The following EPC1 variants were observed in gnomAD, a reference collection of about 807,000 sequenced individuals.
EPC1 encodes enhancer of polycomb 1, also known as enhancer of polycomb homolog 1.
A neutral mutation model predicts 98.4 loss-of-function variants in EPC1; 12 were observed. The ratio of observed to expected loss-of-function variants is 0.12; its 90% CI spans 0.08 to 0.20. EPC1 has a LOEUF of 0.20. Ranked by LOEUF, EPC1 falls within the 10% of genes least tolerant of loss-of-function variation. The pLI is 1.00. For synonymous variants in EPC1, 357 were observed against 363.9 expected (o/e 0.98, Z 0.21); for missense variants, 729 against 990.5 (o/e 0.74, Z 3.54).
chr10:32,358,500 C>T (rs1315633645), intron 1 of EPC1, among the ~76,000 whole-genome samples: 1 of 151,654 alleles, frequency 6.6e-6, no homozygotes, highest in African/African-American at 2.4e-5. Flanking sequence ...AAAAATTAGC[C>T]AGGGTGTGGT....
intron 1 of EPC1, among the ~76,000 whole-genome samples, chr10:32,325,445 T>C (rs1054925156): frequency 2.6e-5 from 4 of 152,210 alleles, no homozygotes; most frequent in African/African-American, 9.6e-5. Flanking sequence ...AGAAAATTCC[T>C]AACAACTTTA....
intron 10 of EPC1, among the ~76,000 whole-genome samples, chr10:32,278,359 T>A (rs1836208100): frequency 6.9e-6 from 1 of 145,782 alleles, no homozygotes; most frequent in Non-Finnish European, 1.5e-5. Context: ...ATGTATACTT[T>A]GGTTTTTTTT....
intron 2 of EPC1, among the ~76,000 whole-genome samples, chr10:32,304,447 G>A (rs1260949040): frequency 6.6e-6 from 1 of 152,114 alleles, no homozygotes; most frequent in Non-Finnish European, 1.5e-5. Flanking sequence ...AACTTTTTAG[G>A]TTCTAATATC....
rs547646582 is a variant in EPC1, at chr10:32,312,707, T to C, written c.154-6776A>G. Among the ~76,000 whole-genome samples the C allele has an allele frequency of 2.6e-5, 4 of 152,326 alleles. No individual in the cohort carries two copies. The East Asian group carries it at 7.7e-4, about 29-fold the overall frequency. On this transcript the variant is annotated intron_variant, in intron 1 of 13. Coordinates refer to ENST00000319778, the MANE Select transcript of EPC1 (RefSeq NM_001272004.3). ...GCGGAGTGCTTAAATGTTATGTGTG[T>C]ATGTATATGTGCATGTACACATACA...
intron 1 of EPC1, among the ~76,000 whole-genome samples, chr10:32,353,879 T>G (rs1295175013): frequency 6.6e-6 from 1 of 152,238 alleles, no homozygotes; most frequent in African/African-American, 2.4e-5. Flanking sequence ...ATAAGCTACA[T>G]AAAGAAATGA....
At chr10:32,280,403 A>G (rs1171433859) in intron 10 of EPC1, among the ~76,000 whole-genome samples, 1 of 152,074 alleles carries the variant, frequency 6.6e-6, no homozygotes, top group Admixed American at 6.6e-5. Flanking sequence ...AGTGAGTGAG[A>G]TCACGCCATG....
At position 32,284,685 on chromosome 10, in the gene EPC1, A is replaced by G; in HGVS notation, c.1744+13T>C. ...ATTTCTATAGAAACGTACATCATTA[A>G]CAGTCAACATACCAAAGTGTGCTGA... On this transcript the variant is annotated intron_variant, in intron 10 of 13. Transcript: ENST00000319778. The G allele has an allele frequency of 6.3e-7, 1 of 1,587,088 alleles. No individual in the cohort carries two copies. The highest frequency in any genetic ancestry group is 1.1e-5 in the South Asian group (1 of 89,042).
At chr10:32,348,560 G>A (rs939117580), upstream of EPC1, among the ~76,000 whole-genome samples, 1 of 152,216 alleles carries the variant, frequency 6.6e-6, no homozygotes, top group African/African-American at 2.4e-5. Context: ...GGAGAAAACA[G>A]GACGGATTGC....
chr10:32,352,942 G>A (rs1193891091), intron 1 of EPC1, among the ~76,000 whole-genome samples: 2 of 152,088 alleles, frequency 1.3e-5, no homozygotes, highest in African/African-American at 4.8e-5. Context: ...GATTACCTGA[G>A]GTGGGGAGTA....
chr10:32,366,299 T>C (rs1839602890), intron 1 of EPC1, among the ~76,000 whole-genome samples: 1 of 152,114 alleles, frequency 6.6e-6, no homozygotes. Flanking sequence ...TAAAAGAAAA[T>C]GTTGCTCTTG....
intron 10 of EPC1, among the ~76,000 whole-genome samples, chr10:32,280,668 G>A (rs1234625437): frequency 1.3e-5 from 2 of 151,920 alleles, no homozygotes; most frequent in Admixed American, 1.3e-4. Context: ...AACCGGGGAG[G>A]TGGAGGTTGC....
At chr10:32,351,053 C>A (rs957588885), upstream of EPC1, among the ~76,000 whole-genome samples, 2 of 152,140 alleles carry the variant, frequency 1.3e-5, no homozygotes, top group Admixed American at 6.6e-5. Context: ...TTATAGGAAA[C>A]TGTGCTGGTA....
chr10:32,276,528 A>G lies in EPC1; in HGVS notation c.1745-3247T>C, dbSNP rs1009886071. Among the ~76,000 whole-genome samples the G allele has an allele frequency of 2.0e-5, 3 of 152,228 alleles. No homozygotes were observed. The South Asian group carries it at 6.2e-4, about 31-fold the overall frequency. ...CTTCATCTTAAAAATAAATACATAA[A>G]TAAATAAAATGAGAATGAGATTAAA... On this transcript the variant is annotated intron_variant, in intron 10 of 13. Transcript: ENST00000319778.
upstream of EPC1, among the ~76,000 whole-genome samples, chr10:32,352,016 A>G (rs3121815): frequency 0.65 from 95,861 of 146,828 alleles, 31,531 homozygotes; most frequent in Middle Eastern, 0.78. Flanking sequence ...GATGACAGGC[A>G]TGAACCATCG....
intron 1 of EPC1, among the ~76,000 whole-genome samples, chr10:32,306,352 T>G (rs1348577066): frequency 6.6e-6 from 1 of 152,212 alleles, no homozygotes; most frequent in African/African-American, 2.4e-5. Context: ...TAGAAGGTAT[T>G]TGAATACAAA....
chr10:32,305,676 C>T, intron 2 of EPC1, 96 bp downstream of exon 2: 1 of 1,035,878 alleles, frequency 9.7e-7, no homozygotes, highest in Non-Finnish European at 1.3e-6. Flanking sequence ...GTCAATGAAA[C>T]AAATAACAAA....
intron 1 of EPC1, among the ~76,000 whole-genome samples, chr10:32,307,325 A>G (rs1021432394): frequency 6.6e-6 from 1 of 152,242 alleles, no homozygotes; most frequent in African/African-American, 2.4e-5. Context: ...CATCTGTAGG[A>G]CAACTACAAA....
At chr10:32,340,263 T>C (rs1838254016) in intron 1 of EPC1, among the ~76,000 whole-genome samples, 1 of 152,238 alleles carries the variant, frequency 6.6e-6, no homozygotes, top group South Asian at 2.1e-4. Flanking sequence ...TGTATCTGCA[T>C]TGATCAAAGC....
chr10:32,351,823 C>T (rs971707054), upstream of EPC1, among the ~76,000 whole-genome samples: 3 of 149,818 alleles, frequency 2.0e-5, no homozygotes, highest in African/African-American at 7.4e-5. Flanking sequence ...CTCCACCTCC[C>T]GGGTTCAAGT....
Sources: gnomAD v4.1 joint callset for allele counts (sites outside exome capture counted in the v4.1 genomes callset) on GRCh38, gnomAD v4.1.1 for gene constraint, MANE v1.5 for transcripts, NCBI Gene and HGNC (gene_info 2026-07-23, HGNC 2026-07-21) for gene names.